PCLO: variants seen among roughly 807,000 people sequenced by gnomAD.
PCLO encodes the protein protein piccolo.
In PCLO, 82 loss-of-function variants were observed where a neutral mutation model predicts 427.5. The ratio of observed to expected loss-of-function variants is 0.19; its 90% CI spans 0.16 to 0.23. PCLO has a LOEUF of 0.23. PCLO is among the 10% of genes least tolerant of loss of function. PCLO has a pLI of 1.00. For missense variants in PCLO, 6,239 were observed against 6,115.9 expected, an observed-to-expected ratio of 1.02 and a Z score of -0.67; for synonymous variants, 2,357 against 2,155.4, an observed-to-expected ratio of 1.09 and a Z score of -2.59.
chr7:83,074,726 A>G (rs531826179), intron 3 of PCLO, among the ~76,000 whole-genome samples: 1 of 152,322 alleles, frequency 6.6e-6, no homozygotes, highest in African/African-American at 2.4e-5. Flanking sequence ...TACTTCAAAA[A>G]CAAACAAACA....
chr7:82,922,234 T>C (rs1021777564), intron 6 of PCLO, among the ~76,000 whole-genome samples: 2 of 151,932 alleles, frequency 1.3e-5, no homozygotes, highest in African/African-American at 4.8e-5. Context: ...AAGGAATTGC[T>C]GGGTGTATAC....
At chr7:82,867,729 G>A (rs1297591039) in intron 10 of PCLO, among the ~76,000 whole-genome samples, 1 of 152,106 alleles carries the variant, frequency 6.6e-6, no homozygotes, top group Non-Finnish European at 1.5e-5. Flanking sequence ...TTAGGATTTG[G>A]GGCATTGTAC....
At chr7:82,831,175 T>A (rs1562806501) in intron 16 of PCLO, among the ~76,000 whole-genome samples, 1 of 152,090 alleles carries the variant, frequency 6.6e-6, no homozygotes, top group Non-Finnish European at 1.5e-5. Flanking sequence ...TACTTCTTAC[T>A]CCATTTTATA....
intron 3 of PCLO, among the ~76,000 whole-genome samples, chr7:83,075,329 G>GTA (rs1191973033): frequency 6.6e-6 from 1 of 152,154 alleles, no homozygotes; most frequent in East Asian, 1.9e-4. Flanking sequence ...TCAGGCAAGA[G>GTA]TATAGTTGGT....
chr7:82,768,268 CA>C (rs1183828408), intron 22 of PCLO, among the ~76,000 whole-genome samples: 1 of 151,848 alleles, frequency 6.6e-6, no homozygotes, highest in Non-Finnish European at 1.5e-5. Context: ...ACTAAAAATA[CA>C]AAAATTAGCC....
chr7:82,966,218 G>C lies in PCLO; in HGVS notation c.3570C>G (p.Thr1190=), dbSNP rs556389563. The change falls in exon 4 of 25, where the codon ACC becomes ACG. Residue 1190 remains threonine (T), a synonymous_variant. Transcript: ENST00000333891. ...LSMEKIPPMV[T]TDQKQEESKL... ...TACTCTCTTCTTGTTTTTGATCTGT[G>C]GTTACCATAGGAGGAATTTTTTCCA... The C allele has an allele frequency of 6.2e-7, 1 of 1,609,876 alleles. No homozygotes were observed. Among genetic ancestry groups the C allele is most frequent in the African/African-American group, 1.3e-5 (1 of 74,238 alleles).
At chr7:82,867,614 G>T (rs1362496092) in intron 10 of PCLO, among the ~76,000 whole-genome samples, 1 of 152,132 alleles carries the variant, frequency 6.6e-6, no homozygotes, top group African/African-American at 2.4e-5. Context: ...ATATTGGTTA[G>T]ACAAATCCGG....
chr7:82,970,527 T>C (rs1257804657), intron 3 of PCLO, among the ~76,000 whole-genome samples: 5 of 152,040 alleles, frequency 3.3e-5, no homozygotes, highest in African/African-American at 1.2e-4. Flanking sequence ...CAAAAGAGTA[T>C]GTTTTTCAAC....
At chr7:82,829,068 GC>G (rs1792025478) in intron 16 of PCLO, among the ~76,000 whole-genome samples, 1 of 152,052 alleles carries the variant, frequency 6.6e-6, no homozygotes, top group South Asian at 2.1e-4. Flanking sequence ...TATCCTGGAT[GC>G]CTAGAAATTT....
chr7:82,945,293 T>C (rs1795175468), intron 6 of PCLO, among the ~76,000 whole-genome samples: 1 of 152,182 alleles, frequency 6.6e-6, no homozygotes, highest in South Asian at 2.1e-4. Flanking sequence ...GACAGGGTCT[T>C]GAAAAATACC....
At chr7:83,116,149 G>A (rs1263085514) in intron 3 of PCLO, among the ~76,000 whole-genome samples, 1 of 152,016 alleles carries the variant, frequency 6.6e-6, no homozygotes, top group African/African-American at 2.4e-5. Context: ...CATCAGTAGT[G>A]CAGACTGTCA....
At chr7:82,828,979 T>G (rs553315035) in intron 16 of PCLO, among the ~76,000 whole-genome samples, 1 of 152,194 alleles carries the variant, frequency 6.6e-6, no homozygotes, top group Admixed American at 6.5e-5. Flanking sequence ...GGCTGGACCC[T>G]GACTCTTGTA....
At chr7:83,144,690 C>A (rs1266343097) in intron 2 of PCLO, among the ~76,000 whole-genome samples, 1 of 151,984 alleles carries the variant, frequency 6.6e-6, no homozygotes, top group Non-Finnish European at 1.5e-5. Flanking sequence ...TTTTCATTGT[C>A]ATTTATTTCC....
At chr7:82,878,543 G>T (rs1285961605) in intron 10 of PCLO, among the ~76,000 whole-genome samples, 1 of 152,120 alleles carries the variant, frequency 6.6e-6, no homozygotes, top group Non-Finnish European at 1.5e-5. Context: ...GAATGGAAAT[G>T]ACCATACTAT....
At chr7:82,938,247 A>G (rs966038219) in intron 6 of PCLO, among the ~76,000 whole-genome samples, 2 of 151,978 alleles carry the variant, frequency 1.3e-5, no homozygotes, top group African/African-American at 4.8e-5. Flanking sequence ...TGAAATATTT[A>G]TTAACTACAA....
chr7:82,974,395 GTTA>G (rs1424610371), intron 3 of PCLO, among the ~76,000 whole-genome samples: 1 of 152,148 alleles, frequency 6.6e-6, no homozygotes. Flanking sequence ...TTTAATCAGA[GTTA>G]TTAGATTAAC....
At chr7:82,855,280 T>C (rs949066250) in intron 10 of PCLO, among the ~76,000 whole-genome samples, 9 of 152,284 alleles carry the variant, frequency 5.9e-5, no homozygotes, top group Middle Eastern at 3.4e-3. Context: ...TCTGTTATAC[T>C]ATATATTTAA....
intron 3 of PCLO, among the ~76,000 whole-genome samples, chr7:83,067,938 G>GAT (rs1789708216): frequency 8.9e-5 from 1 of 11,280 alleles, no homozygotes; most frequent in Admixed American, 1.4e-3. Context: ...CTGAAACCAA[G>GAT]GTTTTGTTTA....
In PCLO at chr7:82,838,231, G is replaced by T. The variant is rs199650110; in HGVS notation, c.14209C>A (p.Leu4737Ile). 451 of 1,600,288 alleles carry T rather than the reference G, an allele frequency of 2.8e-4. No individual in the cohort carries two copies. Among genetic ancestry groups the T allele is most frequent in the Non-Finnish European group, 3.3e-4 (385 of 1,171,060 alleles). ...AATTTTACTTACCCTCTCCCTGGAA[G>T]AAGGTACACTTTCACAAAAGGGTCA... ...YSDPFVKVYL[L>I]PGRGQVMVVQ... The change falls in exon 15 of 25, where the codon CTT becomes ATT. Residue 4737 changes from leucine to isoleucine, a missense_variant. Leu to Ile is a conservative substitution (Grantham distance 5). Around this residue, in one of 5 missense-constraint regions of PCLO, gnomAD observed 877 missense variants for 925.5 expected, o/e 0.95. Coordinates refer to ENST00000333891, the MANE Select transcript of PCLO (RefSeq NM_033026.6).
Sources: allele counts gnomAD v4.1 joint callset (sites outside exome capture counted in the v4.1 genomes callset), GRCh38; gene constraint gnomAD v4.1.1; regional missense constraint gnomAD v4.1.1; transcripts MANE v1.5; gene names NCBI Gene and HGNC (gene_info 2026-07-23, HGNC 2026-07-21).